ENTPD7: variants seen among roughly 807,000 people sequenced by gnomAD.
The protein encoded by ENTPD7 is NTPDase 7.
In ENTPD7, 53 loss-of-function variants were observed where a neutral mutation model predicts 77.9. The ratio of observed to expected loss-of-function variants is 0.68; its 90% CI spans 0.55 to 0.85. ENTPD7 has a LOEUF of 0.85. Among genes scored for constraint, ENTPD7 ranks in the 40% least tolerant of loss-of-function variants. ENTPD7 has a pLI of 0.00. For missense variants in ENTPD7, 636 were observed against 743.7 expected, an observed-to-expected ratio of 0.86 and a Z score of 1.68; for synonymous variants, 248 against 274.9, an observed-to-expected ratio of 0.90 and a Z score of 0.97.
intron 5 of ENTPD7, among the ~76,000 whole-genome samples, chr10:99,683,914 T>C (rs1179853109): frequency 2.0e-5 from 3 of 152,196 alleles, no homozygotes; most frequent in Non-Finnish European, 4.4e-5. Flanking sequence ...AATGCTGCAG[T>C]ATTTCTCTTC....
At chr10:99,673,528 T>G (rs1166854191) in intron 3 of ENTPD7, among the ~76,000 whole-genome samples, 1 of 152,166 alleles carries the variant, frequency 6.6e-6, no homozygotes, top group East Asian at 1.9e-4. Context: ...GTATGCACAA[T>G]GAGAAAAATG....
At position 99,706,336 on chromosome 10, in the gene ENTPD7, C is replaced by CTTTTTTTTT. The variant is rs112095426; in HGVS notation, c.*1656_*1664dup. ...GATTAAGCATGCAAAGACTCTGTTCCTTTTTTTTTTTCTTGGAGACAGGGC... is the reference window on the plus strand; with the variant it reads ...GATTAAGCATGCAAAGACTCTGTTCCTTTTTTTTTTTTTTTTTTTTCTTGGAGACAGGGC... On this transcript the variant is annotated 3_prime_UTR_variant, in exon 13 of 13. Coordinates refer to ENST00000370489, the MANE Select transcript of ENTPD7 (RefSeq NM_020354.5). 6.8e-6 allele frequency: 1 copy of CTTTTTTTTT among 147,702 alleles called. No homozygotes were observed. The allele number at this position is 147,702 out of a possible 1,614,324, so 9.1% of individuals were successfully genotyped here. A position where few individuals can be genotyped will look rare whatever the true frequency, so the allele number is the denominator to read the frequency against.
Position 99,696,122 on chromosome 10 carries a change from G to T in ENTPD7, c.1010G>T (p.Arg337Ile). 1 of 1,612,778 alleles carries T rather than the reference G, an allele frequency of 6.2e-7. No homozygotes were observed. ...LVLNETLNKN[R>I]LLGQKTGLSP... ...CTGAATGAAACTCTTAACAAAAACA[G>T]GTACATTTGATATGGGATCTGAGTT... is the stretch of plus-strand genomic sequence containing the variant. Residue 337 changes from arginine (R) to isoleucine (I), a missense_variant and splice_region_variant, in exon 9 of 13, where the codon AGA becomes ATA. By Grantham distance (97) the Arg-to-Ile change is moderately conservative. Transcript: ENST00000370489.
rs1395505713 is a variant in ENTPD7 at position 99,702,661 on chromosome 10, T to C, written c.1571T>C (p.Phe524Ser). ...GGAGCCATTCTATATAAAACACGAT[T>C]CTTACCACTCAGGTAAAGTAAGACT... ...TLGAILYKTR[F>S]LPLRDLRQEG... Residue 524 changes from phenylalanine to serine, a missense_variant, in exon 12 of 13, where the codon TTC becomes TCC. Physicochemically the swap from Phe to Ser is radical, Grantham distance 155 (BLOSUM62 -2). Transcript: ENST00000370489. 6.2e-7 allele frequency: 1 copy of C among 1,611,066 alleles called. No individual in the cohort carries two copies. Among genetic ancestry groups the C allele is most frequent in the Non-Finnish European group, 8.5e-7 (1 of 1,178,922 alleles).
In ENTPD7 at chr10:99,708,797, G is replaced by A. The variant is rs1419556816; in HGVS notation, c.*4114G>A. ...GAGGCCTAGAGCAGTTGTAATATGT[G>A]CAAAGTCATAGTGACTGGCCTCCTA... On this transcript the variant is annotated 3_prime_UTR_variant, in exon 13 of 13. Transcript: ENST00000370489. 2 of 984,456 alleles carry A rather than the reference G, an allele frequency of 2.0e-6. No individual in the cohort carries two copies. Among genetic ancestry groups the A allele is most frequent in the Non-Finnish European group, 2.4e-6 (2 of 829,184 alleles). 61.0% of individuals were successfully genotyped at this position (984,456 alleles called of 1,614,324 possible). A position where few individuals can be genotyped will look rare whatever the true frequency, so the allele number is the denominator to read the frequency against.
chr10:99,699,522 C>T (rs1372380519), intron 10 of ENTPD7, among the ~76,000 whole-genome samples: 1 of 152,168 alleles, frequency 6.6e-6, no homozygotes, highest in Non-Finnish European at 1.5e-5. Flanking sequence ...TGTTGCGTGT[C>T]TCTATCTTTT....
intron 5 of ENTPD7, among the ~76,000 whole-genome samples, chr10:99,682,694 A>G (rs894431698): frequency 2.6e-5 from 4 of 152,182 alleles, no homozygotes; most frequent in Non-Finnish European, 5.9e-5. Flanking sequence ...CATACTGTGC[A>G]TGCAATTAAG....
At chr10:99,679,628 G>A (rs564175174) in intron 4 of ENTPD7, 97 bp from the exon 5 acceptor site, 513 of 1,479,406 alleles carry the variant, frequency 3.5e-4, no homozygotes, top group Non-Finnish European at 4.3e-4. Flanking sequence ...TAAATGTTTA[G>A]GACCTTGAGG....
chr10:99,710,013 A>C lies in ENTPD7; in HGVS notation c.*5330A>C. On this transcript the variant is annotated 3_prime_UTR_variant, in exon 13 of 13. Transcript: ENST00000370489. ...CATTTTTATGAAAACCAAAGTTGAAAAGTCTTCTGAATCACAGGCTATGTA... is the reference window on the plus strand; with the variant it reads ...CATTTTTATGAAAACCAAAGTTGAACAGTCTTCTGAATCACAGGCTATGTA... 1.0e-6 allele frequency: 1 copy of C among 985,456 alleles called. No individual in the cohort carries two copies. Among genetic ancestry groups the C allele is most frequent in the Non-Finnish European group, 1.2e-6 (1 of 829,932 alleles). 61.0% of individuals were successfully genotyped at this position (985,456 alleles called of 1,614,324 possible).
intron 10 of ENTPD7, 35 bp from the exon 11 acceptor site, chr10:99,700,938 A>G: frequency 6.3e-7 from 1 of 1,580,540 alleles, no homozygotes; most frequent in Admixed American, 1.7e-5. Context: ...TTGCCTCCAA[A>G]TTCATGTTGC....
chr10:99,689,413 T>G (rs985339859), intron 7 of ENTPD7, among the ~76,000 whole-genome samples: 20 of 152,204 alleles, frequency 1.3e-4, no homozygotes, highest in Non-Finnish European at 2.9e-4. Context: ...AAGAAAAAAT[T>G]GGATCACCTG....
chr10:99,674,375 T>G (rs532680493), intron 3 of ENTPD7, among the ~76,000 whole-genome samples: 1 of 152,356 alleles, frequency 6.6e-6, no homozygotes, highest in East Asian at 1.9e-4. Flanking sequence ...TCAGTAGTAT[T>G]AAGTATATTT....
At position 99,659,781 on chromosome 10, in the gene ENTPD7, G is replaced by A; in HGVS notation, c.-95-81G>A. ...AGCAGACGGAGCGGGAGCCTGGGGA[G>A]GAGGTGGGAGCCGTGGAATTCCCGT... On this transcript the variant is annotated intron_variant, in intron 1 of 12. Transcript: ENST00000370489. This position sits in a 1 kb window ranked among gnomAD's most constrained non-coding sequence, Gnocchi z 4.1. 1.3e-6 allele frequency: 1 copy of A among 784,692 alleles called. No homozygotes were observed. Among genetic ancestry groups the A allele is most frequent in the Non-Finnish European group, 2.0e-6 (1 of 497,682 alleles). The allele number at this position is 784,692 out of a possible 1,614,324, so 48.6% of individuals were successfully genotyped here.
At chr10:99,685,191 AG>A (rs1476395940) in intron 5 of ENTPD7, among the ~76,000 whole-genome samples, 24 of 152,356 alleles carry the variant, frequency 1.6e-4, no homozygotes, top group African/African-American at 5.1e-4. Flanking sequence ...TGGGAGGCAG[AG>A]GTTGCAGTGA....
chr10:99,693,359 T>G (rs2035914792), intron 8 of ENTPD7, among the ~76,000 whole-genome samples: 1 of 152,086 alleles, frequency 6.6e-6, no homozygotes, highest in South Asian at 2.1e-4. Context: ...GAAATGTGAG[T>G]TTAGCAGTCA....
At chr10:99,667,646 C>T (rs1184267622) in intron 3 of ENTPD7, among the ~76,000 whole-genome samples, 1 of 152,202 alleles carries the variant, frequency 6.6e-6, no homozygotes, top group African/African-American at 2.4e-5. Context: ...TTTTATTTTA[C>T]ACACTGTTCT....
Position 99,707,737 on chromosome 10 carries a change from A to C in ENTPD7, c.*3054A>C, listed in dbSNP as rs934572379. 6.6e-6 allele frequency among the ~76,000 whole-genome samples: 1 copy of C among 152,258 alleles called. No homozygotes were observed. Among genetic ancestry groups the C allele is most frequent in the Non-Finnish European group, 1.5e-5 (1 of 68,040 alleles). ...TTTTAGTCTTGTGATAGCACAATCC[A>C]TCACTTTCCCCAAAATTCTTGTCAT... On this transcript the variant is annotated 3_prime_UTR_variant, in exon 13 of 13. Coordinates refer to ENST00000370489, the MANE Select transcript of ENTPD7 (RefSeq NM_020354.5).
chr10:99,668,215 G>A (rs936838846), intron 3 of ENTPD7, among the ~76,000 whole-genome samples: 1 of 152,068 alleles, frequency 6.6e-6, no homozygotes, highest in South Asian at 2.1e-4. Flanking sequence ...GATTACAGGC[G>A]TGAGCCACCA....
At chr10:99,702,409 T>G (rs1590064554) in intron 11 of ENTPD7, 103 bp from the exon 12 acceptor site, 1 of 958,398 alleles carries the variant, frequency 1.0e-6, no homozygotes, top group South Asian at 2.0e-5. Flanking sequence ...CGGGAGGAGG[T>G]AGGTCTTTTA....
Sources: gnomAD v4.1 joint callset for allele counts (sites outside exome capture counted in the v4.1 genomes callset) on GRCh38, gnomAD v4.1.1 for gene constraint, Gnocchi (gnomAD v3.1) non-coding constraint, MANE v1.5 for transcripts, NCBI Gene and HGNC (gene_info 2026-07-23, HGNC 2026-07-21) for gene names.